The following RASGRP3 variants were observed in gnomAD, a reference collection of about 807,000 sequenced individuals.
The protein encoded by RASGRP3 is RAS guanyl releasing protein 3, also known as ras guanyl-releasing protein 3.
RASGRP3 carries 54 observed loss-of-function variants against 82.7 expected under a neutral mutation model. The observed-to-expected ratio is 0.65, with a 90% CI of 0.52 to 0.82. The LOEUF (loss-of-function observed/expected upper bound fraction) is 0.82, where lower values mean the gene tolerates loss of function less well. Ranked by LOEUF, RASGRP3 falls within the 40% of genes least tolerant of loss-of-function variation. RASGRP3 has a pLI of 0.00. For missense variants in RASGRP3, 861 were observed against 828.9 expected, an observed-to-expected ratio of 1.04 and a Z score of -0.48; for synonymous variants, 309 against 300.5, an observed-to-expected ratio of 1.03 and a Z score of -0.29.
chr2:33,488,106 G>C (rs1473862752), intron 1 of RASGRP3, among the ~76,000 whole-genome samples: 1 of 152,184 alleles, frequency 6.6e-6, no homozygotes, highest in East Asian at 1.9e-4. Context: ...ATTCTTACTC[G>C]ATTATTTATG....
chr2:33,554,941 A>T (rs1262678597), intron 14 of RASGRP3: 2 of 152,282 alleles, frequency 1.3e-5, no homozygotes, highest in Non-Finnish European at 2.9e-5. Flanking sequence ...AGGATGTCAC[A>T]GACTCCTTGC....
At chr2:33,445,445 C>G (rs912672162) in intron 1 of RASGRP3, among the ~76,000 whole-genome samples, 7 of 152,128 alleles carry the variant, frequency 4.6e-5, no homozygotes, top group African/African-American at 1.7e-4. Flanking sequence ...AAATAATGAC[C>G]ATTCATTGCA....
chr2:33,524,533 T>G lies in RASGRP3; in HGVS notation c.792T>G (p.Ser264=). The change falls in exon 9 of 18, where the codon TCT becomes TCG. Residue 264 remains serine, a synonymous_variant. Coordinates refer to ENST00000403687, the MANE Select transcript of RASGRP3 (RefSeq NM_001139488.2). ...SRLKETHSHL[S]SEVTKNWNEM... is the part of the protein sequence containing the mutation. ...TCAAAGAGACCCATTCTCATCTTTC[T>G]TCAGAAGTTACAAAGGTATAGTAGA... 1 of 1,592,478 alleles carries G rather than the reference T, an allele frequency of 6.3e-7. No individual in the cohort carries two copies. Among genetic ancestry groups the G allele is most frequent in the Middle Eastern group, 1.7e-4 (1 of 6,042 alleles).
intron 15 of RASGRP3, among the ~76,000 whole-genome samples, chr2:33,556,146 A>G (rs1675920984): frequency 6.6e-6 from 1 of 152,052 alleles, no homozygotes; most frequent in Admixed American, 6.6e-5. Flanking sequence ...TGCTACTTGT[A>G]CATATATGAT....
chr2:33,494,046 T>C (rs979483132), intron 1 of RASGRP3, among the ~76,000 whole-genome samples: 2 of 152,212 alleles, frequency 1.3e-5, no homozygotes, highest in South Asian at 4.1e-4. Context: ...AAGCTCACTA[T>C]GATGGAATAT....
chr2:33,498,539 G>T (rs1247339599), intron 1 of RASGRP3, among the ~76,000 whole-genome samples: 1 of 152,166 alleles, frequency 6.6e-6, no homozygotes, highest in Non-Finnish European at 1.5e-5. Context: ...GAACATGATA[G>T]TCCCTCTCTC....
At chr2:33,519,723 C>T (rs754278413) in intron 4 of RASGRP3, among the ~76,000 whole-genome samples, 2 of 152,192 alleles carry the variant, frequency 1.3e-5, no homozygotes, top group Non-Finnish European at 2.9e-5. Flanking sequence ...AAAACTAATC[C>T]TGTAAGTGGC....
intron 1 of RASGRP3, among the ~76,000 whole-genome samples, chr2:33,492,902 TG>T (rs1374111806): frequency 6.6e-6 from 1 of 152,134 alleles, no homozygotes; most frequent in Non-Finnish European, 1.5e-5. Context: ...GGGACATGTA[TG>T]GGAGCCTTGG....
chr2:33,553,979 C>T (rs966683578), intron 14 of RASGRP3, among the ~76,000 whole-genome samples: 19 of 152,150 alleles, frequency 1.2e-4, no homozygotes, highest in African/African-American at 4.1e-4. Flanking sequence ...GCTCATGATC[C>T]GCCCGCCTCG....
intron 1 of RASGRP3, chr2:33,481,680 G>A (rs1307770018): frequency 6.6e-6 from 1 of 152,102 alleles, no homozygotes; most frequent in Non-Finnish European, 1.5e-5. Flanking sequence ...TTAGTCTTCA[G>A]ACACCGTATT....
At chr2:33,561,528 T>C (rs1022573096) in intron 17 of RASGRP3, among the ~76,000 whole-genome samples, 1 of 152,090 alleles carries the variant, frequency 6.6e-6, no homozygotes, top group Non-Finnish European at 1.5e-5. Context: ...GTTTGCTCTG[T>C]TTAGGGAATA....
At chr2:33,514,904 A>G (rs1237464797) in intron 2 of RASGRP3, 106 bp from the exon 3 acceptor site, 1 of 517,028 alleles carries the variant, frequency 1.9e-6, no homozygotes, top group Non-Finnish European at 3.5e-6. Context: ...TTCTTGTACA[A>G]AGATACAGTC....
chr2:33,466,971 C>T (rs1477600674), intron 2 of RASGRP3, among the ~76,000 whole-genome samples: 1 of 152,002 alleles, frequency 6.6e-6, no homozygotes, highest in South Asian at 2.1e-4. Flanking sequence ...GAAAAGTCAT[C>T]TAGGGGTAAT....
In RASGRP3 at chr2:33,465,536, T is replaced by C. The variant is rs1331936923; in HGVS notation, c.-261+17593T>C. ...AGACCCTGTGTCAAAAATAAATAAATGAACATGTTATTAAGTAAAGTACAA... is the reference window on the plus strand; with the variant it reads ...AGACCCTGTGTCAAAAATAAATAAACGAACATGTTATTAAGTAAAGTACAA... On this transcript the variant is annotated intron_variant, in intron 2 of 18. Coordinates refer to the RASGRP3 transcript ENST00000402538. Among the ~76,000 whole-genome samples, 3 of 152,064 alleles carry C rather than the reference T, an allele frequency of 2.0e-5. No individual in the cohort carries two copies. The East Asian group carries it at 5.8e-4, about 29-fold the overall frequency.
upstream of RASGRP3, among the ~76,000 whole-genome samples, chr2:33,473,264 T>A (rs955467211): frequency 2.6e-5 from 4 of 151,960 alleles, no homozygotes; most frequent in African/African-American, 9.7e-5. Context: ...GTGCCTATAG[T>A]CCCAGCTACT....
intron 1 of RASGRP3, among the ~76,000 whole-genome samples, chr2:33,495,512 G>A (rs563822950): frequency 1.3e-5 from 2 of 152,264 alleles, no homozygotes; most frequent in East Asian, 1.9e-4. Context: ...CCATGGACCA[G>A]GCCATGGCCC....
intron 5 of RASGRP3, 138 bp from the exon 6 acceptor site, chr2:33,520,415 A>G: frequency 8.8e-7 from 1 of 1,139,518 alleles, no homozygotes; most frequent in Non-Finnish European, 1.3e-6. Context: ...TTTTGGAGAC[A>G]GGAGATGGCT....
chr2:33,462,603 C>G (rs1227261314), intron 2 of RASGRP3, among the ~76,000 whole-genome samples: 1 of 152,046 alleles, frequency 6.6e-6, no homozygotes, highest in African/African-American at 2.4e-5. Context: ...GTTTCAAACT[C>G]CTGACCTCAG....
intron 2 of RASGRP3, among the ~76,000 whole-genome samples, chr2:33,466,879 G>C (rs1329020599): frequency 6.6e-6 from 1 of 152,092 alleles, no homozygotes; most frequent in East Asian, 1.9e-4. Flanking sequence ...GGAGGTAAAT[G>C]CTCAGGGTTT....
Sources: allele counts gnomAD v4.1 joint callset (sites outside exome capture counted in the v4.1 genomes callset), GRCh38; gene constraint gnomAD v4.1.1; transcripts MANE v1.5; gene names NCBI Gene and HGNC (gene_info 2026-07-23, HGNC 2026-07-21).